The following GPHN variants were observed in gnomAD, a reference collection of about 807,000 sequenced individuals.
GPHN encodes the protein gephyrin.
Under a neutral mutation model 95.5 loss-of-function variants are expected in GPHN, and 17 were observed. That is an observed-to-expected ratio of 0.18 (90% CI 0.12 to 0.27). The LOEUF is 0.27. Among genes scored for constraint, GPHN ranks in the 10% least tolerant of loss-of-function variants. GPHN has a pLI of 1.00. For missense variants in GPHN, 660 were observed against 978.1 expected, an observed-to-expected ratio of 0.67 and a Z score of 4.34; for synonymous variants, 320 against 322.5, an observed-to-expected ratio of 0.99 and a Z score of 0.08.
At chr14:67,563,113 G>C in the GPHN span, among the ~76,000 whole-genome samples, 3 of 152,226 alleles carry the variant, frequency 2.0e-5, no homozygotes, top group Non-Finnish European at 4.4e-5. Context: ...CATTTCCTGA[G>C]TGCTCACCGT....
At chr14:67,222,854 A>G in the GPHN span, among the ~76,000 whole-genome samples, 2 of 150,286 alleles carry the variant, frequency 1.3e-5, no homozygotes, top group Admixed American at 6.7e-5. Flanking sequence ...AAGTGAAGAG[A>G]AAAAAAAAAT....
At chr14:66,751,233 T>C (rs2058352182) in intron 2 of GPHN, among the ~76,000 whole-genome samples, 1 of 152,070 alleles carries the variant, frequency 6.6e-6, no homozygotes, top group Non-Finnish European at 1.5e-5. Flanking sequence ...CTGGGTTGAA[T>C]GGTATTTCTG....
chr14:66,812,890 A>G (rs568196746), intron 3 of GPHN, among the ~76,000 whole-genome samples: 1 of 152,344 alleles, frequency 6.6e-6, no homozygotes, highest in South Asian at 2.1e-4. Context: ...AAAATTAGAA[A>G]TATTCAAGAT....
the GPHN span, among the ~76,000 whole-genome samples, chr14:67,361,321 G>A: frequency 6.6e-6 from 1 of 152,270 alleles, no homozygotes; most frequent in Admixed American, 6.5e-5. Flanking sequence ...AATAGTTTGG[G>A]GGTGACTTGT....
At chr14:66,669,385 A>G (rs1172154121) in intron 1 of GPHN, among the ~76,000 whole-genome samples, 1 of 148,994 alleles carries the variant, frequency 6.7e-6, no homozygotes, top group East Asian at 2.0e-4. Context: ...AAAAAAAGAT[A>G]TTTCCTTTGT....
At chr14:66,852,386 TGTGTGC>T (rs1315766986) in intron 4 of GPHN, among the ~76,000 whole-genome samples, 2 of 152,216 alleles carry the variant, frequency 1.3e-5, no homozygotes, top group African/African-American at 2.4e-5. Flanking sequence ...AAAATGTGTG[TGTGTGC>T]GTGCGCGTGC....
intron 2 of GPHN, among the ~76,000 whole-genome samples, chr14:66,769,376 G>C (rs2059079412): frequency 6.6e-6 from 1 of 151,826 alleles, no homozygotes; most frequent in Admixed American, 6.6e-5. Context: ...TGTTATACAG[G>C]TAAACTCATG....
chr14:67,143,990 A>G (rs893130593), intron 18 of GPHN, among the ~76,000 whole-genome samples: 17 of 151,302 alleles, frequency 1.1e-4, no homozygotes, highest in African/African-American at 3.4e-4. Flanking sequence ...TAATTCCAAT[A>G]CTTTGGGAGG....
In GPHN at chr14:66,603,698, A is replaced by T. The variant is rs537219208; in HGVS notation, c.65-77409A>T. On this transcript the variant is annotated intron_variant, in intron 1 of 22. Coordinates refer to ENST00000478722, the MANE Select transcript of GPHN (RefSeq NM_020806.5). Reference sequence around the variant, plus strand: ...TATCTTAGATATTATCAAATGATATATTTAAATATTTATCTTGGTAAATAA... The same window carrying T: ...TATCTTAGATATTATCAAATGATATTTTTAAATATTTATCTTGGTAAATAA... 2.6e-5 allele frequency among the ~76,000 whole-genome samples: 4 copies of T among 152,126 alleles called. No homozygotes were observed. In the East Asian group the frequency reaches 7.7e-4, roughly 29 times the overall value.
chr14:67,003,838 A>G (rs1370006538), intron 9 of GPHN, among the ~76,000 whole-genome samples: 1 of 151,668 alleles, frequency 6.6e-6, no homozygotes, highest in African/African-American at 2.4e-5. Flanking sequence ...CTGTTTCTTC[A>G]TATCTTGTAA....
intron 3 of GPHN, among the ~76,000 whole-genome samples, chr14:66,789,010 CGTT>C (rs1158883344): frequency 6.6e-6 from 1 of 152,200 alleles, no homozygotes; most frequent in African/African-American, 2.4e-5. Context: ...TTTTTCTAAA[CGTT>C]GTATAACCCT....
rs535354461 is a variant in GPHN at position 66,579,592 on chromosome 14, G to A, written c.64+71001G>A. Among the ~76,000 whole-genome samples the A allele has an allele frequency of 6.6e-5, 10 of 151,776 alleles. 1 individual carries two copies. The highest frequency in any genetic ancestry group is 6.2e-4 in the South Asian group (3 of 4,828). ...TGAAATAGACATTAAATAAAAAATT[G>A]TGAGAAGAGGCACAGAAGATTATTA... On this transcript the variant is annotated intron_variant, in intron 1 of 22. Coordinates refer to ENST00000478722, the MANE Select transcript of GPHN (RefSeq NM_020806.5).
the GPHN span, among the ~76,000 whole-genome samples, chr14:67,405,596 T>C: frequency 1.3e-5 from 2 of 152,184 alleles, no homozygotes; most frequent in Non-Finnish European, 2.9e-5. Flanking sequence ...CTAGGGTTGG[T>C]CTGTATGGCA....
At chr14:66,627,427 C>T (rs953130465) in intron 1 of GPHN, among the ~76,000 whole-genome samples, 1 of 151,426 alleles carries the variant, frequency 6.6e-6, no homozygotes, top group Non-Finnish European at 1.5e-5. Flanking sequence ...TTCTTTATTT[C>T]AACTGTTGAA....
chr14:67,276,210 A>C, the GPHN span, among the ~76,000 whole-genome samples: 1 of 152,116 alleles, frequency 6.6e-6, no homozygotes, highest in African/African-American at 2.4e-5. Flanking sequence ...TAAAGATCTA[A>C]AACTCTTCTC....
At chr14:66,859,812 G>C (rs2062954536) in intron 4 of GPHN, among the ~76,000 whole-genome samples, 1 of 152,116 alleles carries the variant, frequency 6.6e-6, no homozygotes, top group Non-Finnish European at 1.5e-5. Context: ...AGAAATTCTA[G>C]ACATGGAAAA....
chr14:67,162,944 G>T (rs2082052649), intron 19 of GPHN, among the ~76,000 whole-genome samples: 1 of 152,114 alleles, frequency 6.6e-6, no homozygotes, highest in African/African-American at 2.4e-5. Context: ...GATTCTAATT[G>T]TTACCTTATA....
At chr14:67,416,329 G>A in the GPHN span, among the ~76,000 whole-genome samples, 7 of 152,150 alleles carry the variant, frequency 4.6e-5, no homozygotes, top group South Asian at 4.1e-4. Flanking sequence ...CTAGAGGGAC[G>A]TCCCCTGGAA....
At chr14:67,194,937 C>T in the GPHN span, among the ~76,000 whole-genome samples, 1 of 152,136 alleles carries the variant, frequency 6.6e-6, no homozygotes, top group Non-Finnish European at 1.5e-5. Context: ...GGATTATAGG[C>T]GTGAGCCACC....
Sources: gnomAD v4.1 joint callset for allele counts (sites outside exome capture counted in the v4.1 genomes callset) on GRCh38, gnomAD v4.1.1 for gene constraint, MANE v1.5 for transcripts, NCBI Gene and HGNC (gene_info 2026-07-23, HGNC 2026-07-21) for gene names.